TXNDC12: variants seen among roughly 807,000 people sequenced by gnomAD.
TXNDC12 encodes thioredoxin domain-containing protein 12.
In TXNDC12, 22 loss-of-function variants were observed where a neutral mutation model predicts 24.2. That is an observed-to-expected ratio of 0.91 (90% confidence interval 0.65 to 1.30). The LOEUF (loss-of-function observed/expected upper bound fraction) is 1.30, where lower values mean the gene tolerates loss of function less well. TXNDC12 is among the 50% of genes most tolerant of loss of function. TXNDC12 has a pLI of 0.00. For missense variants in TXNDC12, 184 were observed against 205.8 expected, an observed-to-expected ratio of 0.89 and a Z score of 0.65; for synonymous variants, 58 against 73.4, an observed-to-expected ratio of 0.79 and a Z score of 1.07.
At chr1:52,027,764 C>G (rs957928139) in intron 3 of TXNDC12, among the ~76,000 whole-genome samples, 2 of 148,450 alleles carry the variant, frequency 1.3e-5, no homozygotes, top group South Asian at 4.2e-4. Flanking sequence ...TACATATATA[C>G]GTATATATTA....
chr1:52,039,613 G>T (rs34422270), intron 2 of TXNDC12, among the ~76,000 whole-genome samples: 5,560 of 152,280 alleles, frequency 0.037, 131 homozygotes, highest in African/African-American at 0.043. Context: ...TTACAGGTGT[G>T]AGCCACCGCG....
chr1:52,052,803 A>G (rs1686241503), intron 1 of TXNDC12: 1 of 152,136 alleles, frequency 6.6e-6, no homozygotes, highest in Non-Finnish European at 1.5e-5. Flanking sequence ...TATTACCTAC[A>G]CCTAACACAG....
At position 52,021,106 on chromosome 1, in the gene TXNDC12, T is replaced by C. The variant is rs1196296780; in HGVS notation, c.440-94A>G. 42 of 943,256 alleles carry C rather than the reference T, an allele frequency of 4.5e-5. 1 individual carries two copies. The highest frequency in any genetic ancestry group is 1.5e-4 in the Admixed American group (8 of 52,868). 58.4% of individuals were successfully genotyped at this position (943,256 alleles called of 1,614,324 possible). On this transcript the variant is annotated intron_variant, in intron 6 of 6. Transcript: ENST00000371626. ...ACTTTTAAATGTTTCAGAAGAAATA[T>C]GAGAGGAGTACAAGATCTGGACTCA...
intron 1 of TXNDC12, among the ~76,000 whole-genome samples, chr1:52,049,651 T>C (rs1686161548): frequency 1.3e-5 from 2 of 152,056 alleles, no homozygotes; most frequent in African/African-American, 2.4e-5. Context: ...AAAATTTACA[T>C]TGGAATTTTT....
intron 1 of TXNDC12, among the ~76,000 whole-genome samples, chr1:52,045,424 C>A (rs1046812640): frequency 6.6e-6 from 1 of 152,030 alleles, no homozygotes; most frequent in Non-Finnish European, 1.5e-5. Flanking sequence ...GAGGTCATTG[C>A]GGTGGGCCCT....
chr1:52,025,555 G>T (rs1377799605), intron 4 of TXNDC12, among the ~76,000 whole-genome samples: 1 of 152,190 alleles, frequency 6.6e-6, no homozygotes, highest in Admixed American at 6.5e-5. Context: ...CAAAGTTGGA[G>T]AATCCTCTAT....
intron 6 of TXNDC12, among the ~76,000 whole-genome samples, chr1:52,022,806 A>AT (rs199506570): frequency 0.053 from 8,007 of 151,310 alleles, 223 homozygotes; most frequent in South Asian, 0.064. Flanking sequence ...ACGCCAGCTA[A>AT]TTTTTTGTAT....
In TXNDC12 at chr1:52,055,083, G is replaced by A. The variant is rs143583275; in HGVS notation, c.14C>T (p.Pro5Leu). The change falls in exon 1 of 7, where the codon CCT (proline) becomes CTT (leucine). Residue 5 changes from proline to leucine, a missense_variant. By Grantham distance (98) the Pro-to-Leu change is moderately conservative. Coordinates refer to ENST00000371626, the MANE Select transcript of TXNDC12 (RefSeq NM_015913.4). The stretch of plus-strand genomic sequence containing the variant: ...CAGCAAACAGGTGGCCCCGAGACGA[G>A]GCCGCGTCTCCATGGCAGTAGGTGC... Reference protein sequence around the residue: METRPRLGATCLLGF... With the variant: METRLRLGATCLLGF... The A allele has an allele frequency of 2.7e-5, 44 of 1,613,908 alleles. No individual in the cohort carries two copies. The highest frequency in any genetic ancestry group is 3.6e-5 in the Non-Finnish European group (43 of 1,179,922).
At chr1:52,046,853 TAAAAAA>T (rs753854382) in intron 1 of TXNDC12, among the ~76,000 whole-genome samples, 6,116 of 127,626 alleles carry the variant, frequency 0.048, 197 homozygotes, top group Middle Eastern at 0.12. Context: ...CCATCTCTAC[TAAAAAA>T]AAAAAAAATA....
chr1:52,055,042 G>A lies in TXNDC12; in HGVS notation c.55C>T (p.Leu19Phe), dbSNP rs949293522. 1.2e-6 allele frequency: 2 copies of A among 1,613,984 alleles called. No individual in the cohort carries two copies. Among genetic ancestry groups the A allele is most frequent in the African/African-American group, 2.7e-5 (2 of 74,932 alleles). ...ATCLLGFSFL[L>F]LVISSDGHNG... ...TGTCCATCAGAAGAGATGACGAGGA[G>A]CAGGAAACTGAAGCCCAGCAAACAG... Residue 19 changes from leucine (L) to phenylalanine (F), a missense_variant, in exon 1 of 7, where the codon CTC becomes TTC. Leu to Phe is a conservative substitution (Grantham distance 22). Transcript: ENST00000371626.
intron 5 of TXNDC12, 38 bp downstream of exon 5, chr1:52,024,472 C>T: frequency 1.3e-6 from 2 of 1,504,936 alleles, no homozygotes; most frequent in South Asian, 2.3e-5. Flanking sequence ...TCTCTCCATC[C>T]ACATCATGGA....
chr1:52,046,707 C>T (rs1442201614), intron 1 of TXNDC12, among the ~76,000 whole-genome samples: 7 of 151,512 alleles, frequency 4.6e-5, no homozygotes, highest in Non-Finnish European at 8.8e-5. Flanking sequence ...CATGGTGAAA[C>T]CCCATCTCTA....
At chr1:52,031,412 G>A (rs1191006337) in intron 2 of TXNDC12, among the ~76,000 whole-genome samples, 1 of 151,904 alleles carries the variant, frequency 6.6e-6, no homozygotes, top group Non-Finnish European at 1.5e-5. Flanking sequence ...CCCGCCTTGG[G>A]CTCCTGAAGT....
chr1:52,028,762 T>C, intron 2 of TXNDC12, 132 bp from the exon 3 acceptor site: 1 of 729,636 alleles, frequency 1.4e-6, no homozygotes, highest in Non-Finnish European at 2.3e-6. Context: ...TGTTCAATAA[T>C]AATAGATAAT....
At chr1:52,034,522 G>A (rs1685845097) in intron 2 of TXNDC12, among the ~76,000 whole-genome samples, 1 of 152,158 alleles carries the variant, frequency 6.6e-6, no homozygotes, top group Non-Finnish European at 1.5e-5. Context: ...AAGCTTAAGT[G>A]TGTCCCAAAT....
intron 2 of TXNDC12, among the ~76,000 whole-genome samples, chr1:52,040,697 T>G (rs75926395): frequency 0.036 from 5,557 of 152,266 alleles, 131 homozygotes; most frequent in African/African-American, 0.043. Flanking sequence ...CATTTATTAC[T>G]GAAAAAAATC....
At chr1:52,044,768 G>A (rs1686056389) in intron 1 of TXNDC12, among the ~76,000 whole-genome samples, 1 of 152,164 alleles carries the variant, frequency 6.6e-6, no homozygotes, top group South Asian at 2.1e-4. Context: ...GAGCTCAGGA[G>A]TTCGAGACCA....
In TXNDC12 at chr1:52,033,389, T is replaced by C. The variant is rs950441864; in HGVS notation, c.159-4759A>G. 5 of 1,612,860 alleles carry C rather than the reference T, an allele frequency of 3.1e-6. No individual in the cohort carries two copies. Among genetic ancestry groups the C allele is most frequent in the Non-Finnish European group, 4.2e-6 (5 of 1,179,734 alleles). On this transcript the variant is annotated intron_variant, in intron 2 of 6. Coordinates refer to ENST00000371626, the MANE Select transcript of TXNDC12 (RefSeq NM_015913.4). ...CTCACACTGACGTTCCGGCCAGGGTTCTCGTTCGCGCCCGCCACCTGAGGT... is the reference window on the plus strand; with the variant it reads ...CTCACACTGACGTTCCGGCCAGGGTCCTCGTTCGCGCCCGCCACCTGAGGT...
At chr1:52,043,429 T>C (rs1233209817) in intron 1 of TXNDC12, among the ~76,000 whole-genome samples, 1 of 152,178 alleles carries the variant, frequency 6.6e-6, no homozygotes, top group Middle Eastern at 3.2e-3. Context: ...ATCCAAAAAT[T>C]ATTAGTGATC....
Sources: allele counts gnomAD v4.1 joint callset (sites outside exome capture counted in the v4.1 genomes callset), GRCh38; gene constraint gnomAD v4.1.1; transcripts MANE v1.5; gene names NCBI Gene and HGNC (gene_info 2026-07-23, HGNC 2026-07-21).